The following HEBP1 variants were observed in gnomAD, a reference collection of about 807,000 sequenced individuals.
The protein encoded by HEBP1 is heme-binding protein 1.
A neutral mutation model predicts 20.4 loss-of-function variants in HEBP1; 13 were observed. The observed-to-expected ratio is 0.64, with a 90% CI of 0.42 to 1.01. HEBP1 has a LOEUF of 1.01. HEBP1 is among the 50% of genes least tolerant of loss of function. HEBP1 has a pLI of 0.00. For missense variants in HEBP1, 241 were observed against 247.3 expected (o/e 0.97, Z 0.17); for synonymous variants, 92 against 90.7 (o/e 1.01, Z -0.08).
chr12:12,975,531 A>AG, intron 3 of HEBP1, 52 bp from the exon 4 acceptor site: 1 of 1,501,286 alleles, frequency 6.7e-7, no homozygotes, highest in African/African-American at 1.5e-5. Flanking sequence ...CCTCTGAGAG[A>AG]GGGGGGATCT....
chr12:12,999,406 G>A (rs944781594), intron 1 of HEBP1, among the ~76,000 whole-genome samples: 1 of 152,196 alleles, frequency 6.6e-6, no homozygotes, highest in Non-Finnish European at 1.5e-5. Flanking sequence ...ATACCGCCAC[G>A]GTCGATCCGA....
intron 2 of HEBP1, among the ~76,000 whole-genome samples, 197 bp from the exon 3 acceptor site, chr12:12,987,529 G>C (rs1864167012): frequency 6.6e-6 from 1 of 152,080 alleles, no homozygotes; most frequent in East Asian, 1.9e-4. Flanking sequence ...TAGGAGTATA[G>C]TGGTACAACT....
chr12:12,984,509 A>T (rs985172027), intron 3 of HEBP1: 7 of 152,240 alleles, frequency 4.6e-5, no homozygotes, highest in Admixed American at 1.3e-4. Flanking sequence ...GATGTGGTAA[A>T]ATGTCACGGA....
Position 12,986,893 on chromosome 12 carries a change from T to C in HEBP1, c.398+259A>G. On this transcript the variant is annotated intron_variant, in intron 3 of 3. Transcript: ENST00000014930. The surrounding 1 kb of genome is among the most constrained non-coding windows in gnomAD (Gnocchi z 4.3). The stretch of plus-strand genomic sequence containing the variant: ...AACCCTGCTATGGCTAATGTAGACA[T>C]TCACTGTAAGCTTAAGCAAAGCTTA... 2.5e-6 allele frequency: 1 copy of C among 408,068 alleles called. No homozygotes were observed. Among genetic ancestry groups the C allele is most frequent in the Non-Finnish European group, 4.4e-6 (1 of 226,420 alleles). 25.3% of individuals were successfully genotyped at this position (408,068 alleles called of 1,614,324 possible). A position where few individuals can be genotyped will look rare whatever the true frequency, so the allele number is the denominator to read the frequency against.
rs751815832 is a variant in HEBP1 at position 12,989,387 on chromosome 12, C to A, written c.107G>T (p.Cys36Phe). Residue 36 changes from cysteine (C) to phenylalanine (F), a missense_variant, in exon 2 of 4, where the codon TGT (cysteine) becomes TTT (phenylalanine). Transcript: ENST00000014930. ...KEEVAYEERA[C>F]EGGKFATVEV... The stretch of plus-strand genomic sequence containing the variant: ...TACTGTGGCAAATTTGCCGCCTTCA[C>A]AGGCCCTTTCTTCATAGGCAACTTC... 1 of 1,614,214 alleles carries A rather than the reference C, an allele frequency of 6.2e-7. No individual in the cohort carries two copies. Among genetic ancestry groups the A allele is most frequent in the South Asian group, 1.1e-5 (1 of 91,082 alleles).
chr12:12,975,202 T>C lies in HEBP1; in HGVS notation c.*106A>G. The C allele has an allele frequency of 9.3e-7, 1 of 1,075,890 alleles. No homozygotes were observed. The highest frequency in any genetic ancestry group is 1.4e-6 in the Non-Finnish European group (1 of 732,992). 66.6% of individuals were successfully genotyped at this position (1,075,890 alleles called of 1,614,324 possible). A position where few individuals can be genotyped will look rare whatever the true frequency, so the allele number is the denominator to read the frequency against. Reference sequence around the variant, plus strand: ...TAACTGACTTTGAAGGAAAGTTGGTTAAGTTGGACTTGCAGCTGGAACTTG... The same window carrying C: ...TAACTGACTTTGAAGGAAAGTTGGTCAAGTTGGACTTGCAGCTGGAACTTG... On this transcript the variant is annotated 3_prime_UTR_variant, in exon 4 of 4. Coordinates refer to ENST00000014930, the MANE Select transcript of HEBP1 (RefSeq NM_015987.5).
intron 1 of HEBP1, among the ~76,000 whole-genome samples, chr12:12,990,803 T>C (rs1159642817): frequency 6.6e-6 from 1 of 152,136 alleles, no homozygotes; most frequent in Non-Finnish European, 1.5e-5. Context: ...GGGGATAACA[T>C]CACTATTGTA....
At chr12:12,987,705 T>C (rs1864172031) in intron 2 of HEBP1, among the ~76,000 whole-genome samples, 1 of 151,796 alleles carries the variant, frequency 6.6e-6, no homozygotes. Flanking sequence ...CTCGGCTTAC[T>C]GTAAACTCTG....
chr12:12,977,554 C>A (rs1158703822), intron 3 of HEBP1: 2 of 152,166 alleles, frequency 1.3e-5, no homozygotes, highest in African/African-American at 4.8e-5. Context: ...CACTGCATTC[C>A]AGCCTGGACA....
Position 12,986,292 on chromosome 12 carries a change from AT to A in HEBP1, c.398+859del, listed in dbSNP as rs1380823590. The A allele has an allele frequency of 6.6e-6, 1 of 152,408 alleles. No homozygotes were observed. The highest frequency in any genetic ancestry group is 1.5e-5 in the Non-Finnish European group (1 of 68,216). The allele number at this position is 152,408 out of a possible 1,614,324, so 9.4% of individuals were successfully genotyped here. A position where few individuals can be genotyped will look rare whatever the true frequency, so the allele number is the denominator to read the frequency against. ...GAACATTGACACAGCTCCGGGGAAAATGGTCCCACCATCAGGTTCAGGGTTG... is the reference window on the plus strand; with the variant it reads ...GAACATTGACACAGCTCCGGGGAAAAGGTCCCACCATCAGGTTCAGGGTTG... On this transcript the variant is annotated intron_variant, in intron 3 of 3. Coordinates refer to ENST00000014930, the MANE Select transcript of HEBP1 (RefSeq NM_015987.5). This position sits in a 1 kb window ranked among gnomAD's most constrained non-coding sequence, Gnocchi z 4.3.
chr12:12,984,673 TAC>T (rs1864130905), intron 3 of HEBP1: 1 of 152,234 alleles, frequency 6.6e-6, no homozygotes, highest in Non-Finnish European at 1.5e-5. Context: ...GCAACTGTAG[TAC>T]CAGCTACTTG....
intron 3 of HEBP1, chr12:12,984,049 T>G (rs992597168): frequency 4.4e-6 from 1 of 224,778 alleles, no homozygotes; most frequent in African/African-American, 2.3e-5. Context: ...CAAATATGTT[T>G]AAATTCATAT....
intron 3 of HEBP1, among the ~76,000 whole-genome samples, chr12:12,978,524 G>A (rs1347015124): frequency 6.6e-6 from 1 of 152,086 alleles, no homozygotes; most frequent in Non-Finnish European, 1.5e-5. Context: ...TTAAAGTAGA[G>A]GACTGGCACG....
chr12:12,979,250 C>T (rs1200979059), intron 3 of HEBP1, among the ~76,000 whole-genome samples: 2 of 152,144 alleles, frequency 1.3e-5, no homozygotes, highest in African/African-American at 4.8e-5. Context: ...CGGGAAAACC[C>T]CCAATTCTTT....
intron 1 of HEBP1, among the ~76,000 whole-genome samples, chr12:12,995,128 T>G (rs1472003586): frequency 1.3e-5 from 2 of 152,222 alleles, no homozygotes. Flanking sequence ...ATTCTCCTCC[T>G]GCCTTTGCCT....
chr12:12,996,032 T>A lies in HEBP1; in HGVS notation c.78+4005A>T, dbSNP rs1864284759. Among the ~76,000 whole-genome samples, 1 of 152,252 alleles carries A rather than the reference T, an allele frequency of 6.6e-6. No homozygotes were observed. The highest frequency in any genetic ancestry group is 6.5e-5 in the Admixed American group (1 of 15,286). On this transcript the variant is annotated intron_variant, in intron 1 of 3. Transcript: ENST00000014930. This position sits in a 1 kb window ranked among gnomAD's most constrained non-coding sequence, Gnocchi z 4.1. ...TTCATGTAGTGGGTATACATGCTAA[T>A]GTTGGAAACCTGCTTTCTCATTACA...
At chr12:12,980,372 T>G (rs919505887) in intron 3 of HEBP1, 10 of 152,114 alleles carry the variant, frequency 6.6e-5, no homozygotes, top group African/African-American at 2.4e-4. Flanking sequence ...TGGAAGGAAA[T>G]GCTGGAATGA....
At chr12:12,975,810 G>A (rs750400279) in intron 3 of HEBP1, among the ~76,000 whole-genome samples, 10 of 152,160 alleles carry the variant, frequency 6.6e-5, no homozygotes, top group Non-Finnish European at 1.3e-4. Context: ...CAAGGGGACA[G>A]CAGGTTTGCT....
chr12:12,997,971 G>A (rs12812470), intron 1 of HEBP1, among the ~76,000 whole-genome samples: 43,398 of 152,030 alleles, frequency 0.29, 7,656 homozygotes, highest in Non-Finnish European at 0.39. Context: ...CCAGGGAGGC[G>A]GATAGACAGC....
Sources: gnomAD v4.1 joint callset for allele counts (sites outside exome capture counted in the v4.1 genomes callset) on GRCh38, gnomAD v4.1.1 for gene constraint, Gnocchi (gnomAD v3.1) non-coding constraint, MANE v1.5 for transcripts, NCBI Gene and HGNC (gene_info 2026-07-23, HGNC 2026-07-21) for gene names.